The following ACTN2 variants were observed in gnomAD, a reference collection of about 807,000 sequenced individuals.
The protein encoded by ACTN2 is alpha-actinin-2.
ACTN2 carries 39 observed loss-of-function variants against 113.8 expected under a neutral mutation model. The observed-to-expected ratio is 0.34, with a 90% CI of 0.27 to 0.45. The LOEUF (loss-of-function observed/expected upper bound fraction) is 0.45, where lower values mean the gene tolerates loss of function less well. ACTN2 is among the 20% of genes least tolerant of loss of function. ACTN2 has a pLI of 1.00. For missense variants in ACTN2, 992 were observed against 1,177.9 expected, an observed-to-expected ratio of 0.84 and a Z score of 2.31; for synonymous variants, 429 against 444.1, an observed-to-expected ratio of 0.97 and a Z score of 0.43.
intron 6 of ACTN2, among the ~76,000 whole-genome samples, chr1:236,730,389 G>T (rs1427546663): frequency 1.3e-5 from 2 of 150,734 alleles, no homozygotes; most frequent in African/African-American, 4.9e-5. Flanking sequence ...GTGTTTCACT[G>T]TATAAAAATG....
intron 1 of ACTN2, among the ~76,000 whole-genome samples, chr1:236,710,387 T>A (rs1195168695): frequency 6.6e-6 from 1 of 152,256 alleles, no homozygotes; most frequent in Non-Finnish European, 1.5e-5. Flanking sequence ...TTAAGCACAT[T>A]GTGCTGATTG....
At chr1:236,745,968 C>A (rs1368916854) in intron 12 of ACTN2, among the ~76,000 whole-genome samples, 1 of 151,840 alleles carries the variant, frequency 6.6e-6, no homozygotes, top group Non-Finnish European at 1.5e-5. Flanking sequence ...TCAAGACCAT[C>A]CTGGCTAACA....
chr1:236,737,572 G>A (rs1348202490), intron 9 of ACTN2, among the ~76,000 whole-genome samples: 1 of 150,488 alleles, frequency 6.6e-6, no homozygotes, highest in Non-Finnish European at 1.5e-5. Flanking sequence ...CTGTTCACTG[G>A]CTACCAACAT....
At chr1:236,689,300 G>GATATAT (rs57239117) in intron 1 of ACTN2, among the ~76,000 whole-genome samples, 37 of 122,578 alleles carry the variant, frequency 3.0e-4, no homozygotes, top group East Asian at 1.6e-3. Flanking sequence ...TTACAGATGT[G>GATATAT]ATATATATAT....
intron 1 of ACTN2, among the ~76,000 whole-genome samples, chr1:236,708,989 G>A (rs891645987): frequency 6.6e-6 from 1 of 151,840 alleles, no homozygotes; most frequent in South Asian, 2.1e-4. Context: ...GGTAATCTTG[G>A]CAAATTGGGA....
intron 1 of ACTN2, among the ~76,000 whole-genome samples, chr1:236,696,854 T>C (rs1657518713): frequency 6.6e-6 from 1 of 152,092 alleles, no homozygotes. Flanking sequence ...CTAGTAGAGA[T>C]GGGGTTTCAC....
chr1:236,692,806 G>A (rs1274823813), intron 1 of ACTN2, among the ~76,000 whole-genome samples: 1 of 152,166 alleles, frequency 6.6e-6, no homozygotes, highest in Non-Finnish European at 1.5e-5. Flanking sequence ...CAGAGTGTGG[G>A]AGGAGGAATA....
intron 1 of ACTN2, among the ~76,000 whole-genome samples, chr1:236,702,362 T>G (rs943821681): frequency 2.2e-4 from 33 of 152,226 alleles, no homozygotes; most frequent in African/African-American, 8.0e-4. Flanking sequence ...TGTTTAAAGA[T>G]ATGTATTTAA....
rs2288601 is a variant in ACTN2, at chr1:236,739,294, C to T, written c.877-8C>T. On this transcript the variant is annotated splice_polypyrimidine_tract_variant and splice_region_variant and intron_variant, in intron 9 of 20. Transcript: ENST00000366578. ...GTCTTCAGCAGTATTTTTGTGTTTGCGGAGCAGCTTTTGGAATGGATTCGT... is the reference window on the plus strand; with the variant it reads ...GTCTTCAGCAGTATTTTTGTGTTTGTGGAGCAGCTTTTGGAATGGATTCGT... 2.5e-6 allele frequency: 4 copies of T among 1,613,528 alleles called. No homozygotes were observed. Among genetic ancestry groups the T allele is most frequent in the East Asian group, 4.5e-5 (2 of 44,844 alleles).
Position 236,726,787 on chromosome 1 carries a change from A to G in ACTN2, c.536+767A>G, listed in dbSNP as rs150261625. On this transcript the variant is annotated intron_variant, in intron 5 of 20. Coordinates refer to ENST00000366578, the MANE Select transcript of ACTN2 (RefSeq NM_001103.4). ...GCACTGAGCCAGGCCTTGGGAAGAC[A>G]AAGGGGAAGAGAATCCTTCTTTGTC... 1.0e-3 allele frequency among the ~76,000 whole-genome samples: 157 copies of G among 152,372 alleles called. 1 individual carries two copies. The highest frequency in any genetic ancestry group is 3.4e-3 in the Middle Eastern group (1 of 294).
chr1:236,748,707 C>T (rs1414771333), intron 13 of ACTN2, among the ~76,000 whole-genome samples: 1 of 152,190 alleles, frequency 6.6e-6, no homozygotes, highest in Non-Finnish European at 1.5e-5. Context: ...GAAAGGCACA[C>T]AACTTCTCTG....
At chr1:236,742,109 C>T (rs1182032031) in intron 10 of ACTN2, among the ~76,000 whole-genome samples, 4 of 152,292 alleles carry the variant, frequency 2.6e-5, no homozygotes, top group East Asian at 1.9e-4. Flanking sequence ...GCCCCCTCCT[C>T]GGAGGGGTCT....
intron 1 of ACTN2, among the ~76,000 whole-genome samples, chr1:236,716,170 A>G (rs1315016490): frequency 6.6e-6 from 1 of 150,694 alleles, no homozygotes; most frequent in Non-Finnish European, 1.5e-5. Context: ...ACTATTAGTC[A>G]GATTTGAAAA....
At chr1:236,709,200 G>T in intron 1 of ACTN2, among the ~76,000 whole-genome samples, 1 of 122,480 alleles carries the variant, frequency 8.2e-6, no homozygotes, top group African/African-American at 3.1e-5. Context: ...ATTTCATAAA[G>T]CTGATCATGA....
At chr1:236,740,826 G>GT (rs943916735) in intron 10 of ACTN2, among the ~76,000 whole-genome samples, 2 of 151,830 alleles carry the variant, frequency 1.3e-5, no homozygotes, top group African/African-American at 4.8e-5. Flanking sequence ...TACATTCTCA[G>GT]TTTTTTTGGC....
intron 1 of ACTN2, among the ~76,000 whole-genome samples, chr1:236,709,282 A>ATATATATG (rs1290850392): frequency 1.4e-5 from 2 of 141,014 alleles, no homozygotes; most frequent in Non-Finnish European, 3.0e-5. Flanking sequence ...ATATATATGT[A>ATATATATG]TATATATGTA....
At chr1:236,702,693 G>A (rs1458337780) in intron 1 of ACTN2, among the ~76,000 whole-genome samples, 2 of 152,188 alleles carry the variant, frequency 1.3e-5, no homozygotes, top group Admixed American at 1.3e-4. Context: ...TGTGGAGTTG[G>A]CAGGAACATT....
rs1659316869 is a variant in ACTN2 at position 236,749,065 on chromosome 1, C to A, written c.1516-59C>A. 45 of 1,589,230 alleles carry A rather than the reference C, an allele frequency of 2.8e-5. No homozygotes were observed. The South Asian group carries it at 4.9e-4, about 17-fold the overall frequency. ...TCTGTTCTTATGGAACGCCTACTTA[C>A]ACTTTCAGTGAATTTTTTAATTAGT... On this transcript the variant is annotated intron_variant, in intron 13 of 20. Transcript: ENST00000366578.
intron 15 of ACTN2, 84 bp from the exon 16 acceptor site, chr1:236,753,863 C>CCCAAACACAAATACA: frequency 7.3e-7 from 1 of 1,364,492 alleles, no homozygotes; most frequent in Non-Finnish European, 1.0e-6. Flanking sequence ...CCACCCCCAC[C>CCCAAACACAAATACA]CCTTGGACTA....
Sources: gnomAD v4.1 joint callset for allele counts (sites outside exome capture counted in the v4.1 genomes callset) on GRCh38, gnomAD v4.1.1 for gene constraint, MANE v1.5 for transcripts, NCBI Gene and HGNC (gene_info 2026-07-23, HGNC 2026-07-21) for gene names.